TRPC5: variants seen among roughly 807,000 people sequenced by gnomAD.
TRPC5 encodes short transient receptor potential channel 5.
TRPC5 carries 9 observed loss-of-function variants against 56.5 expected under a neutral mutation model. The observed-to-expected ratio is 0.16, with a 90% CI of 0.10 to 0.28. The LOEUF (loss-of-function observed/expected upper bound fraction) is 0.28. Among genes scored for constraint, TRPC5 ranks in the 10% least tolerant of loss-of-function variants. The probability of loss-of-function intolerance (pLI) is 1.00; values close to 1 mark genes in which losing one functional copy is unlikely to be tolerated. For synonymous variants in TRPC5, 282 were observed against 278.5 expected, an observed-to-expected ratio of 1.01 and a Z score of -0.13; for missense variants, 469 against 748.9, an observed-to-expected ratio of 0.63 and a Z score of 4.36.
chrX:111,800,679 G>A (rs969946373), intron 7 of TRPC5, among the ~76,000 whole-genome samples: 3 of 110,097 alleles, frequency 2.7e-5, no homozygotes, highest in African/African-American at 9.9e-5. Flanking sequence ...GCTTGTACAC[G>A]GGAGGTGGAG....
At chrX:111,976,849 A>T (rs2148650887) in intron 1 of TRPC5, among the ~76,000 whole-genome samples, 1 of 109,583 alleles carries the variant, frequency 9.1e-6, no homozygotes, top group African/African-American at 3.4e-5. Flanking sequence ...ACAATGACCT[A>T]TCCAGAAGAA....
intron 1 of TRPC5, 67 bp from the exon 2 acceptor site, chrX:111,952,508 T>C (rs1927121737): frequency 2.8e-6 from 3 of 1,053,224 alleles, no homozygotes; most frequent in East Asian, 3.1e-5. Flanking sequence ...TGGCCAGTTA[T>C]GGAGGCAGCC....
In TRPC5 at chrX:111,869,185, C is replaced by T. The variant is rs1209555164; in HGVS notation, c.901-15079G>A. Among the ~76,000 whole-genome samples, 5 of 106,526 alleles carry T rather than the reference C, an allele frequency of 4.7e-5. 1 individual carries two copies. The highest frequency in any genetic ancestry group is 1.7e-4 in the African/African-American group (5 of 28,936). The allele number at this position is 106,526 out of a possible 115,157, so 92.5% of individuals were successfully genotyped here. Reference sequence around the variant, plus strand: ...TTTTTTTGTAAACCACTGCAGCAGACATTTGAGATCAAGAAATAGGTTTTG... The same window carrying T: ...TTTTTTTGTAAACCACTGCAGCAGATATTTGAGATCAAGAAATAGGTTTTG... On this transcript the variant is annotated intron_variant, in intron 3 of 10. Transcript: ENST00000262839.
chrX:111,788,779 CAGAG>C (rs776067654), intron 7 of TRPC5, among the ~76,000 whole-genome samples: 127 of 111,399 alleles, frequency 1.1e-3, no homozygotes, highest in South Asian at 4.5e-3. Context: ...AACAGACAAA[CAGAG>C]AGCCAAATCA....
At position 111,772,517 on chromosome X, in the gene TRPC5, T is replaced by C. The variant is rs941409598; in HGVS notation, c.*3796A>G. 9.0e-6 allele frequency among the ~76,000 whole-genome samples: 1 copy of C among 111,725 alleles called. No individual in the cohort carries two copies. Among genetic ancestry groups the C allele is most frequent in the African/African-American group, 3.3e-5 (1 of 30,741 alleles). On this transcript the variant is annotated 3_prime_UTR_variant, in exon 11 of 11. Coordinates refer to ENST00000262839, the MANE Select transcript of TRPC5 (RefSeq NM_012471.3). The stretch of plus-strand genomic sequence containing the variant: ...GGTGTGATCTCAGTGCACTGCAACC[T>C]CTGCCTCCCAGGTTCAAGTGATTCT...
intron 1 of TRPC5, among the ~76,000 whole-genome samples, chrX:112,063,877 C>T (rs749483645): frequency 2.8e-4 from 31 of 111,686 alleles, no homozygotes; most frequent in South Asian, 1.1e-3. Context: ...CTGCAACCTC[C>T]GCCTCCCGGG....
chrX:111,939,440 A>G (rs144677404), intron 2 of TRPC5, among the ~76,000 whole-genome samples: 11,104 of 110,989 alleles, frequency 0.1, 545 homozygotes, highest in African/African-American at 0.19. Context: ...TCTCTCCTCC[A>G]TTTTTCAGAA....
chrX:112,062,174 G>T (rs1930474046), intron 1 of TRPC5, among the ~76,000 whole-genome samples: 1 of 111,570 alleles, frequency 9.0e-6, no homozygotes, highest in Admixed American at 9.5e-5. Flanking sequence ...ACTCTCTCAG[G>T]TCAACAGGAT....
chrX:112,034,858 G>A (rs1314631882), intron 1 of TRPC5, among the ~76,000 whole-genome samples: 3 of 95,317 alleles, frequency 3.1e-5, no homozygotes, highest in East Asian at 3.3e-4. Context: ...ATCTCTTCTC[G>A]TTTTTTTTTT....
At chrX:111,934,328 A>G in intron 2 of TRPC5, among the ~76,000 whole-genome samples, 1 of 106,117 alleles carries the variant, frequency 9.4e-6, no homozygotes, top group Non-Finnish European at 1.9e-5. Context: ...TGATTTTCTT[A>G]ATTTTTAATT....
chrX:112,077,517 G>A (rs1331380842), intron 1 of TRPC5, among the ~76,000 whole-genome samples: 2 of 111,330 alleles, frequency 1.8e-5, no homozygotes, highest in African/African-American at 6.5e-5. Context: ...TTATTCAGTC[G>A]GTCTGGGGAA....
chrX:112,046,064 C>T (rs946597746), intron 1 of TRPC5, among the ~76,000 whole-genome samples: 3 of 110,271 alleles, frequency 2.7e-5, no homozygotes, highest in African/African-American at 9.9e-5. Context: ...TTACAATGCA[C>T]AGCCCTATAA....
rs1456010796 is a variant in TRPC5, at chrX:111,770,806, A to G, written c.*5507T>C. Among the ~76,000 whole-genome samples the G allele has an allele frequency of 9.0e-6, 1 of 111,557 alleles. No individual in the cohort carries two copies. The highest frequency in any genetic ancestry group is 1.9e-5 in the Non-Finnish European group (1 of 53,101). ...AATGAGTATTTTGGGGATATATTGA[A>G]CTTCTGGGAAAAGATACAAAATGGC... is the stretch of plus-strand genomic sequence containing the variant. On this transcript the variant is annotated 3_prime_UTR_variant, in exon 11 of 11. Transcript: ENST00000262839.
At chrX:111,867,055 T>C (rs1387388845) in intron 3 of TRPC5, among the ~76,000 whole-genome samples, 2 of 111,784 alleles carry the variant, frequency 1.8e-5, no homozygotes, top group Non-Finnish European at 3.8e-5. Context: ...GATACTAGCC[T>C]AACTCATGCG....
Position 111,773,477 on chromosome X carries a change from CTT to C in TRPC5, c.*2834_*2835del, listed in dbSNP as rs893398350. ...TGATTTTTGTATTATTTGTGTTTGACTTTGCAGTACATTTTTAACTTCACATT... is the reference window on the plus strand; with the variant it reads ...TGATTTTTGTATTATTTGTGTTTGACTGCAGTACATTTTTAACTTCACATT... On this transcript the variant is annotated 3_prime_UTR_variant, in exon 11 of 11. Transcript: ENST00000262839. 1.6e-4 allele frequency among the ~76,000 whole-genome samples: 18 copies of C among 111,841 alleles called. No individual in the cohort carries two copies. The highest frequency in any genetic ancestry group is 5.2e-4 in the African/African-American group (16 of 30,767).
At chrX:112,013,490 A>G (rs1243824041) in intron 1 of TRPC5, among the ~76,000 whole-genome samples, 1 of 111,489 alleles carries the variant, frequency 9.0e-6, no homozygotes, top group Non-Finnish European at 1.9e-5. Context: ...AACAGAGCCT[A>G]TAGAGATCAT....
chrX:112,041,291 A>G (rs1424041740), intron 1 of TRPC5, among the ~76,000 whole-genome samples: 1 of 112,004 alleles, frequency 8.9e-6, no homozygotes, highest in African/African-American at 3.2e-5. Flanking sequence ...AAGAAAAGTT[A>G]ATAATTATAA....
intron 1 of TRPC5, among the ~76,000 whole-genome samples, chrX:112,032,225 T>C (rs903283818): frequency 9.1e-6 from 1 of 110,304 alleles, no homozygotes; most frequent in Non-Finnish European, 1.9e-5. Flanking sequence ...GAATGGCTAC[T>C]ATCAAAAAAA....
At chrX:111,855,840 G>T (rs1463662867) in intron 3 of TRPC5, among the ~76,000 whole-genome samples, 1 of 112,206 alleles carries the variant, frequency 8.9e-6, no homozygotes, top group East Asian at 2.8e-4. Flanking sequence ...ACTGCTGGGA[G>T]CTCAGTCTAC....
Sources: gnomAD v4.1 joint callset for allele counts (sites outside exome capture counted in the v4.1 genomes callset) on GRCh38, gnomAD v4.1.1 for gene constraint, MANE v1.5 for transcripts, NCBI Gene and HGNC (gene_info 2026-07-23, HGNC 2026-07-21) for gene names.